The following POLR3G variants were observed in gnomAD, a reference collection of about 807,000 sequenced individuals.
POLR3G encodes the protein RNA polymerase III subunit G.
A neutral mutation model predicts 30.1 loss-of-function variants in POLR3G; 28 were observed. The observed-to-expected ratio is 0.93, with a 90% CI of 0.69 to 1.27. The LOEUF is 1.27. Among genes scored for constraint, POLR3G ranks in the 50% most tolerant of loss-of-function variants. The pLI, the probability that POLR3G is intolerant of heterozygous loss-of-function variation, is 0.00. For missense variants in POLR3G, 254 were observed against 264.6 expected (o/e 0.96, Z 0.28); for synonymous variants, 79 against 82.5 (o/e 0.96, Z 0.23).
At chr5:90,501,818 C>G in intron 5 of POLR3G, 88 bp from the exon 6 acceptor site, 3 of 1,473,370 alleles carry the variant, frequency 2.0e-6, no homozygotes, top group South Asian at 1.2e-5. Flanking sequence ...TGCAGTAGCA[C>G]GATGCTGGAC....
rs1213984428 is a variant in POLR3G at position 90,512,549 on chromosome 5, G to A, written c.*410G>A. 1 of 157,022 alleles carries A rather than the reference G, an allele frequency of 6.4e-6. No homozygotes were observed. Among genetic ancestry groups the A allele is most frequent in the Non-Finnish European group, 1.4e-5 (1 of 70,656 alleles). The allele number at this position is 157,022 out of a possible 1,614,324, so 9.7% of individuals were successfully genotyped here. On this transcript the variant is annotated 3_prime_UTR_variant, in exon 8 of 8. Transcript: ENST00000651687. ...AAGTTGATATAATACAGCACGTGGA[G>A]CACTTTAAAAACAAAGAAACTTGAA...
chr5:90,483,714 G>C (rs1751266220), intron 1 of POLR3G, among the ~76,000 whole-genome samples: 1 of 152,090 alleles, frequency 6.6e-6, no homozygotes, highest in South Asian at 2.1e-4. Flanking sequence ...CAGGAGAATT[G>C]CTTAAGTGAG....
rs57287532 is a variant in POLR3G at position 90,493,189 on chromosome 5, T to C, written c.248-2488T>C. Among the ~76,000 whole-genome samples, 845 of 131,024 alleles carry C rather than the reference T, an allele frequency of 6.4e-3. 4 individuals are homozygous for C. Among genetic ancestry groups the C allele is most frequent in the South Asian group, 0.018 (71 of 3,856 alleles). The allele number at this position is 131,024 out of a possible 152,430, so 86.0% of individuals were successfully genotyped here. On this transcript the variant is annotated intron_variant, in intron 3 of 7. Coordinates refer to ENST00000651687, the MANE Select transcript of POLR3G (RefSeq NM_006467.3). ...ATTTACCTTCAAAATCAGTAAAACA[T>C]GTAATATAAATTTGGATTTGCTATA...
At chr5:90,510,668 T>G (rs1168880317) in intron 7 of POLR3G, among the ~76,000 whole-genome samples, 1 of 152,068 alleles carries the variant, frequency 6.6e-6, no homozygotes, top group East Asian at 1.9e-4. Context: ...GGTGTCTAAA[T>G]ATTGCCAAAT....
chr5:90,508,094 C>T (rs1752574551), intron 7 of POLR3G, among the ~76,000 whole-genome samples: 1 of 152,124 alleles, frequency 6.6e-6, no homozygotes, highest in African/African-American at 2.4e-5. Flanking sequence ...ATTGATGCCC[C>T]TCAAAAAACA....
chr5:90,476,131 A>G (rs561815069), intron 1 of POLR3G, among the ~76,000 whole-genome samples: 14 of 152,342 alleles, frequency 9.2e-5, no homozygotes, highest in African/African-American at 3.4e-4. Flanking sequence ...GATAACCTTT[A>G]CTGTGACAAC....
At chr5:90,502,883 A>T (rs1414754723) in intron 6 of POLR3G, among the ~76,000 whole-genome samples, 1 of 151,368 alleles carries the variant, frequency 6.6e-6, no homozygotes, top group Non-Finnish European at 1.5e-5. Flanking sequence ...ATATATGGAC[A>T]TTATGTTTCA....
intron 5 of POLR3G, among the ~76,000 whole-genome samples, chr5:90,498,895 A>G (rs889335740): frequency 5.3e-5 from 8 of 152,206 alleles, no homozygotes; most frequent in African/African-American, 1.9e-4. Context: ...TAAAATCACT[A>G]AAGAAAAACA....
chr5:90,487,904 A>G (rs1247652353), intron 2 of POLR3G, 96 bp from the exon 3 acceptor site: 1 of 982,462 alleles, frequency 1.0e-6, no homozygotes, highest in Non-Finnish European at 1.4e-6. Context: ...AAAACATAGT[A>G]TTTCAATAAA....
chr5:90,513,073 ATT>A lies in POLR3G; in HGVS notation c.*938_*939del, dbSNP rs1235785270. On this transcript the variant is annotated 3_prime_UTR_variant, in exon 8 of 8. Transcript: ENST00000651687. ...AGGTCATTTTGAAATTAATATTAAT[ATT>A]TTTGTTGTTTAACTTTAAAGCTAGC... The A allele has an allele frequency of 6.6e-6, 1 of 151,758 alleles. No homozygotes were observed. The highest frequency in any genetic ancestry group is 1.5e-5 in the Non-Finnish European group (1 of 67,728). The allele number at this position is 151,758 out of a possible 1,614,324, so 9.4% of individuals were successfully genotyped here. A position where few individuals can be genotyped will look rare whatever the true frequency, so the allele number is the denominator to read the frequency against.
Position 90,506,730 on chromosome 5 carries a change from T to C in POLR3G, c.585+56T>C, listed in dbSNP as rs370657776. On this transcript the variant is annotated intron_variant, in intron 7 of 7. Coordinates refer to ENST00000651687, the MANE Select transcript of POLR3G (RefSeq NM_006467.3). ...TTAATAAGGTTTATCTAATAAGGAA[T>C]CAGATATAGAGTATGTATTGAAATC... 234 of 1,541,994 alleles carry C rather than the reference T, an allele frequency of 1.5e-4. 1 individual carries two copies. The South Asian group carries it at 2.8e-3, about 19-fold the overall frequency.
intron 6 of POLR3G, among the ~76,000 whole-genome samples, chr5:90,505,709 A>G (rs1325766790): frequency 6.6e-6 from 1 of 152,228 alleles, no homozygotes; most frequent in African/African-American, 2.4e-5. Context: ...CAGGAAGTAA[A>G]TAATGAGAGA....
chr5:90,483,795 C>T (rs1751271066), intron 1 of POLR3G, among the ~76,000 whole-genome samples: 1 of 152,084 alleles, frequency 6.6e-6, no homozygotes, highest in Non-Finnish European at 1.5e-5. Context: ...TCTAAAAGTG[C>T]AATGCCTTGT....
chr5:90,496,481 C>T (rs1260264447), intron 4 of POLR3G, among the ~76,000 whole-genome samples: 5 of 152,172 alleles, frequency 3.3e-5, no homozygotes, highest in African/African-American at 1.2e-4. Context: ...TTTAAGCAGA[C>T]ATAGACTAGT....
intron 1 of POLR3G, among the ~76,000 whole-genome samples, chr5:90,477,843 T>C (rs996321911): frequency 7.2e-5 from 11 of 152,214 alleles, no homozygotes; most frequent in Non-Finnish European, 1.5e-4. Context: ...GCATATGGGC[T>C]CAAGGGTCCC....
At chr5:90,478,056 C>A (rs1750924783) in intron 1 of POLR3G, among the ~76,000 whole-genome samples, 1 of 152,170 alleles carries the variant, frequency 6.6e-6, no homozygotes, top group Non-Finnish European at 1.5e-5. Flanking sequence ...TTTCCTGCCT[C>A]AGTGTGGACA....
At chr5:90,487,887 T>G (rs2041089742) in intron 2 of POLR3G, 113 bp from the exon 3 acceptor site, 2 of 788,392 alleles carry the variant, frequency 2.5e-6, no homozygotes, top group Non-Finnish European at 3.6e-6. Flanking sequence ...TAAAACTTAG[T>G]GCCTGTAAAA....
chr5:90,497,459 T>C (rs1345793561), intron 4 of POLR3G, among the ~76,000 whole-genome samples, 197 bp from the exon 5 acceptor site: 1 of 152,166 alleles, frequency 6.6e-6, no homozygotes, highest in Non-Finnish European at 1.5e-5. Context: ...ATAAATTTTC[T>C]TTATAGGAGA....
rs541650516 is a variant in POLR3G, at chr5:90,479,523, C to T, written c.-44+4503C>T. ...GAAAAACATAGGTGAAACTCCTCCC[C>T]TTTGGAAAAGATCAATTTCCCAAAA... is the stretch of plus-strand genomic sequence containing the variant. On this transcript the variant is annotated intron_variant, in intron 1 of 7. Coordinates refer to ENST00000651687, the MANE Select transcript of POLR3G (RefSeq NM_006467.3). Among the ~76,000 whole-genome samples, 5 of 152,228 alleles carry T rather than the reference C, an allele frequency of 3.3e-5. No individual in the cohort carries two copies. In the East Asian group the frequency reaches 7.7e-4, roughly 24 times the overall value.
Sources: gnomAD v4.1 joint callset for allele counts (sites outside exome capture counted in the v4.1 genomes callset) on GRCh38, gnomAD v4.1.1 for gene constraint, MANE v1.5 for transcripts, NCBI Gene and HGNC (gene_info 2026-07-23, HGNC 2026-07-21) for gene names.